STK32B: variants seen among roughly 807,000 people sequenced by gnomAD.
STK32B encodes the protein serine/threonine kinase 32B, also known as serine/threonine-protein kinase 32B.
STK32B carries 43 observed loss-of-function variants against 52.6 expected under a neutral mutation model. The ratio of observed to expected loss-of-function variants is 0.82; its 90% CI spans 0.64 to 1.05. The LOEUF is 1.05. Ranked by LOEUF, STK32B falls within the 50% of genes least tolerant of loss-of-function variation. STK32B has a pLI of 0.00. For missense variants in STK32B, 621 were observed against 534.6 expected (o/e 1.16, Z -1.59); for synonymous variants, 238 against 204.3 (o/e 1.17, Z -1.41).
intron 11 of STK32B, among the ~76,000 whole-genome samples, chr4:5,481,004 C>A (rs1718653931): frequency 6.6e-6 from 1 of 152,074 alleles, no homozygotes; most frequent in South Asian, 2.1e-4. Flanking sequence ...TGGCTTGGTT[C>A]CAAGTCGTTG....
At chr4:5,366,075 A>G (rs1033137005) in intron 4 of STK32B, among the ~76,000 whole-genome samples, 3 of 151,878 alleles carry the variant, frequency 2.0e-5, no homozygotes, top group Non-Finnish European at 4.4e-5. Flanking sequence ...TACAAAAGAA[A>G]CTAGGCCAAC....
intron 2 of STK32B, among the ~76,000 whole-genome samples, chr4:5,163,245 G>A (rs1718583469): frequency 6.6e-6 from 1 of 152,184 alleles, no homozygotes. Flanking sequence ...ACATGTGTGA[G>A]CCCCTGAACA....
rs116408186 is a variant in STK32B at position 5,498,273 on chromosome 4, G to A, written c.1107-672G>A. On this transcript the variant is annotated intron_variant, in intron 11 of 11. Coordinates refer to ENST00000282908, the MANE Select transcript of STK32B (RefSeq NM_018401.3). ...TTAACTTGAAGATCAGAAACAGAGG[G>A]ATATTGACATCTTCCAACATGTGAA... Among the ~76,000 whole-genome samples the A allele has an allele frequency of 6.4e-3, 981 of 152,308 alleles. 13 individuals carry two copies. The highest frequency in any genetic ancestry group is 0.023 in the African/African-American group (949 of 41,556).
chr4:5,284,789 G>A lies in STK32B; in HGVS notation c.261-46431G>A, dbSNP rs111751696. 1.3e-4 allele frequency among the ~76,000 whole-genome samples: 20 copies of A among 152,170 alleles called. No individual in the cohort carries two copies. In the South Asian group the frequency reaches 2.5e-3, roughly 19 times the overall value. On this transcript the variant is annotated intron_variant, in intron 3 of 11. Transcript: ENST00000282908. ...GCAGCTCATCTTTCCAGTAAATTGC[G>A]TATCACAGAAAAAGTGATCTCTCGC...
chr4:5,048,396 C>T (rs1166709338), upstream of STK32B, among the ~76,000 whole-genome samples: 1 of 148,146 alleles, frequency 6.8e-6, no homozygotes, highest in Non-Finnish European at 1.5e-5. Context: ...CTGCAGGTTT[C>T]AGCAATTCTC....
intron 4 of STK32B, among the ~76,000 whole-genome samples, chr4:5,370,844 A>C (rs1262366433): frequency 1.3e-5 from 2 of 151,972 alleles, no homozygotes; most frequent in African/African-American, 4.8e-5. Flanking sequence ...GTGGTGGTGC[A>C]TGCCTGTAGT....
At chr4:5,159,730 T>TATATATATGA (rs1400608266) in intron 2 of STK32B, among the ~76,000 whole-genome samples, 1 of 105,746 alleles carries the variant, frequency 9.5e-6, no homozygotes, top group African/African-American at 7.7e-5. Context: ...TGTATATGAA[T>TATATATATGA]ATATATATGA....
chr4:5,176,291 G>A (rs940037197), intron 3 of STK32B, among the ~76,000 whole-genome samples: 3 of 152,130 alleles, frequency 2.0e-5, no homozygotes, highest in Non-Finnish European at 2.9e-5. Context: ...CACGCATGGT[G>A]TGCTGCACCC....
intron 3 of STK32B, among the ~76,000 whole-genome samples, chr4:5,307,933 C>T (rs1730038519): frequency 6.6e-6 from 1 of 150,580 alleles, no homozygotes; most frequent in Non-Finnish European, 1.5e-5. Context: ...CCACCAGGCT[C>T]TGGGCTGGTA....
At chr4:5,161,369 C>T (rs959244502) in intron 2 of STK32B, among the ~76,000 whole-genome samples, 3 of 152,148 alleles carry the variant, frequency 2.0e-5, no homozygotes, top group African/African-American at 7.2e-5. Flanking sequence ...GCTTATTTTT[C>T]TCACATAACA....
intron 1 of STK32B, among the ~76,000 whole-genome samples, chr4:5,053,268 G>GA (rs1741860045): frequency 6.6e-6 from 1 of 152,162 alleles, no homozygotes; most frequent in Non-Finnish European, 1.5e-5. Flanking sequence ...GGGTCTTGGG[G>GA]GCACAGAGAG....
Position 5,131,785 on chromosome 4 carries a change from A to T in STK32B, c.53-8120A>T, listed in dbSNP as rs560250073. Reference sequence around the variant, plus strand: ...CCTCTTTTTAGAAAGGCTTGCCCTGACCACCCTGTCTAAAATTGCAGCTCC... The same window carrying T: ...CCTCTTTTTAGAAAGGCTTGCCCTGTCCACCCTGTCTAAAATTGCAGCTCC... On this transcript the variant is annotated intron_variant, in intron 1 of 11. Transcript: ENST00000282908. 2.0e-5 allele frequency among the ~76,000 whole-genome samples: 3 copies of T among 152,292 alleles called. No individual in the cohort carries two copies. In the South Asian group the frequency reaches 6.2e-4, roughly 32 times the overall value.
At chr4:5,326,542 T>C (rs189910624) in intron 3 of STK32B, among the ~76,000 whole-genome samples, 11 of 152,332 alleles carry the variant, frequency 7.2e-5, no homozygotes, top group African/African-American at 1.4e-4. Context: ...ACAGGTCTTA[T>C]TGACATTTTT....
the STK32B span, among the ~76,000 whole-genome samples, chr4:5,025,966 A>G: frequency 3.3e-5 from 5 of 152,236 alleles, no homozygotes; most frequent in East Asian, 7.7e-4. Context: ...GTGGTCCAGG[A>G]CACCATGTCC....
intron 3 of STK32B, among the ~76,000 whole-genome samples, chr4:5,218,517 A>ACT (rs1723320966): frequency 1.3e-5 from 2 of 152,182 alleles, no homozygotes; most frequent in African/African-American, 4.8e-5. Flanking sequence ...TGTAGTCAGG[A>ACT]CTATAGCCTG....
intron 3 of STK32B, among the ~76,000 whole-genome samples, chr4:5,319,059 C>A (rs781523175): frequency 6.6e-6 from 1 of 152,254 alleles, no homozygotes; most frequent in African/African-American, 2.4e-5. Context: ...CCGCCTTGGC[C>A]TCCCAAAGTG....
intron 3 of STK32B, among the ~76,000 whole-genome samples, chr4:5,312,485 C>T (rs28579084): frequency 0.023 from 3,456 of 149,508 alleles, 42 homozygotes; most frequent in Non-Finnish European, 0.034. Flanking sequence ...CCCCTTCCTG[C>T]GTCCATGTGT....
At chr4:5,345,872 TA>T (rs960246140) in intron 4 of STK32B, among the ~76,000 whole-genome samples, 7 of 152,244 alleles carry the variant, frequency 4.6e-5, no homozygotes, top group African/African-American at 1.7e-4. Flanking sequence ...TGTATGAAAA[TA>T]AATATGTATT....
Position 5,181,329 on chromosome 4 carries a change from G to GACACACATACACACACACACAC in STK32B, c.260+12886_260+12887insTACACACACACACACACACACA, listed in dbSNP as rs777338742. Among the ~76,000 whole-genome samples the GACACACATACACACACACACAC allele has an allele frequency of 2.4e-4, 33 of 138,120 alleles. 1 individual carries two copies. The highest frequency in any genetic ancestry group is 8.2e-4 in the African/African-American group (31 of 37,726). 90.6% of individuals were successfully genotyped at this position (138,120 alleles called of 152,430 possible). ...AAAAGAAGAGAAAGATGGAGAGTGA[G>GACACACATACACACACACACAC]ACACACACACACACACACACACACA... On this transcript the variant is annotated intron_variant, in intron 3 of 11. Coordinates refer to ENST00000282908, the MANE Select transcript of STK32B (RefSeq NM_018401.3).
Sources: allele counts gnomAD v4.1 joint callset (sites outside exome capture counted in the v4.1 genomes callset), GRCh38; gene constraint gnomAD v4.1.1; transcripts MANE v1.5; gene names NCBI Gene and HGNC (gene_info 2026-07-23, HGNC 2026-07-21).